SCIN: variants seen among roughly 807,000 people sequenced by gnomAD.
SCIN encodes scinderin.
SCIN carries 91 observed loss-of-function variants against 91.8 expected under a neutral mutation model. The ratio of observed to expected loss-of-function variants is 0.99; its 90% CI spans 0.84 to 1.18. The LOEUF is 1.18. SCIN is among the 50% of genes most tolerant of loss of function. The pLI is 0.00. For missense variants in SCIN, 1,087 were observed against 863.9 expected (o/e 1.26, Z -3.24); for synonymous variants, 367 against 312.6 (o/e 1.17, Z -1.84).
chr7:12,588,808 T>TGGGGGGGGGGG (rs1184493769), intron 3 of SCIN: 1 of 7,974 alleles, frequency 1.3e-4, no homozygotes, highest in African/African-American at 1.2e-3. Context: ...CTGCATTGGG[T>TGGGGGGGGGGG]GGGGGGGGGG....
At chr7:12,641,007 G>A (rs1184112391) in intron 11 of SCIN, among the ~76,000 whole-genome samples, 2 of 152,134 alleles carry the variant, frequency 1.3e-5, no homozygotes, top group Non-Finnish European at 2.9e-5. Flanking sequence ...CCATGCCATG[G>A]TGCCATAAGA....
chr7:12,584,914 A>G (rs1782556620), intron 3 of SCIN, among the ~76,000 whole-genome samples: 3 of 152,152 alleles, frequency 2.0e-5, no homozygotes, highest in Admixed American at 2.0e-4. Flanking sequence ...AACTCTTGGA[A>G]AGATATGTCA....
chr7:12,594,741 C>T (rs893604941), intron 3 of SCIN, among the ~76,000 whole-genome samples: 5 of 152,014 alleles, frequency 3.3e-5, no homozygotes, highest in South Asian at 2.1e-4. Context: ...CGAGAGAGGG[C>T]GGCGCCTGTC....
chr7:12,580,931 T>A (rs1782474464), intron 2 of SCIN, 129 bp from the exon 3 acceptor site: 1 of 871,642 alleles, frequency 1.1e-6, no homozygotes. Context: ...GGTGGCTATT[T>A]TAACTTGGCC....
chr7:12,627,715 G>A (rs849759), intron 8 of SCIN, among the ~76,000 whole-genome samples: 17,906 of 152,130 alleles, frequency 0.12, 1,093 homozygotes, highest in Middle Eastern at 0.18. Flanking sequence ...TTGTCAGAGG[G>A]GTATTGACTT....
At chr7:12,649,995 A>C (rs765996922) in intron 14 of SCIN, among the ~76,000 whole-genome samples, 1 of 152,208 alleles carries the variant, frequency 6.6e-6, no homozygotes, top group African/African-American at 2.4e-5. Context: ...TACACAGTAA[A>C]ATATGTTCCT....
chr7:12,595,169 A>G (rs1357529544), intron 3 of SCIN, among the ~76,000 whole-genome samples: 1 of 152,146 alleles, frequency 6.6e-6, no homozygotes, highest in Non-Finnish European at 1.5e-5. Flanking sequence ...TAAGCTTATT[A>G]TCCTGCTGAG....
chr7:12,595,310 G>A (rs1267120326), intron 3 of SCIN, among the ~76,000 whole-genome samples: 1 of 152,160 alleles, frequency 6.6e-6, no homozygotes, highest in Non-Finnish European at 1.5e-5. Context: ...TTTCAATATA[G>A]GAATTTACAA....
At chr7:12,594,069 C>T (rs1782785084) in intron 3 of SCIN, among the ~76,000 whole-genome samples, 1 of 152,162 alleles carries the variant, frequency 6.6e-6, no homozygotes, top group African/African-American at 2.4e-5. Context: ...CCCTCAACTC[C>T]CGCTACTTCC....
chr7:12,622,064 T>G (rs1312527412), intron 4 of SCIN, among the ~76,000 whole-genome samples: 2 of 152,006 alleles, frequency 1.3e-5, no homozygotes, highest in East Asian at 3.8e-4. Context: ...TGACATTCTA[T>G]GCTGTTTGTG....
chr7:12,599,399 A>G (rs1260092786), intron 3 of SCIN, among the ~76,000 whole-genome samples: 3 of 118,526 alleles, frequency 2.5e-5, no homozygotes, highest in South Asian at 2.7e-4. Flanking sequence ...GTGTGTGTGT[A>G]TCACATTTTC....
At chr7:12,636,278 C>G in intron 10 of SCIN, 143 bp downstream of exon 10, 1 of 617,156 alleles carries the variant, frequency 1.6e-6, no homozygotes, top group Non-Finnish European at 2.8e-6. Context: ...TTCAAATATT[C>G]CTACTCTCAT....
At chr7:12,628,772 A>G (rs936468291) in intron 8 of SCIN, among the ~76,000 whole-genome samples, 2 of 152,150 alleles carry the variant, frequency 1.3e-5, no homozygotes, top group African/African-American at 2.4e-5. Context: ...TAAAATAGAT[A>G]TATATTTCTG....
intron 3 of SCIN, chr7:12,596,478 A>T (rs989943023): frequency 2.2e-6 from 1 of 455,920 alleles, no homozygotes; most frequent in Non-Finnish European, 4.4e-6. Flanking sequence ...CCAATTTATC[A>T]CTTTTAGAGA....
At chr7:12,577,462 A>G (rs756042953) in intron 1 of SCIN, 46 of 451,024 alleles carry the variant, frequency 1.0e-4, no homozygotes, top group Non-Finnish European at 1.9e-4. Context: ...ATTAATGCTT[A>G]CTTAAATCTC....
intron 11 of SCIN, among the ~76,000 whole-genome samples, chr7:12,642,033 T>C (rs1298294837): frequency 6.6e-6 from 1 of 151,742 alleles, no homozygotes; most frequent in African/African-American, 2.4e-5. Context: ...AATTTCCATA[T>C]GATGAAGTGT....
Position 12,651,709 on chromosome 7 carries a change from C to T in SCIN, c.1960-132C>T, listed in dbSNP as rs1056660690. On this transcript the variant is annotated intron_variant, in intron 14 of 15. Coordinates refer to ENST00000297029, the MANE Select transcript of SCIN (RefSeq NM_001112706.3). The surrounding 1 kb of genome is among the most constrained non-coding windows in gnomAD (Gnocchi z 5.9). ...TGATGGTACCTCTCTGGGCCACCAC[C>T]TCCACGTCCCTAACTTCTGCGGATA... 2 of 605,548 alleles carry T rather than the reference C, an allele frequency of 3.3e-6. No homozygotes were observed. Among genetic ancestry groups the T allele is most frequent in the African/African-American group, 1.9e-5 (1 of 53,286 alleles). The allele number at this position is 605,548 out of a possible 1,614,324, so 37.5% of individuals were successfully genotyped here. A position where few individuals can be genotyped will look rare whatever the true frequency, so the allele number is the denominator to read the frequency against.
intron 3 of SCIN, among the ~76,000 whole-genome samples, chr7:12,600,382 T>A (rs1782933673): frequency 6.6e-6 from 1 of 152,134 alleles, no homozygotes; most frequent in Non-Finnish European, 1.5e-5. Context: ...AATAAAAGAC[T>A]GCACATTGGG....
intron 3 of SCIN, among the ~76,000 whole-genome samples, chr7:12,596,584 C>A (rs1397044763): frequency 6.6e-6 from 1 of 152,134 alleles, no homozygotes; most frequent in Non-Finnish European, 1.5e-5. Flanking sequence ...CTACCTGTAA[C>A]AATACGCATG....
Sources: allele counts gnomAD v4.1 joint callset (sites outside exome capture counted in the v4.1 genomes callset), GRCh38; gene constraint gnomAD v4.1.1; non-coding constraint Gnocchi (gnomAD v3.1); transcripts MANE v1.5; gene names NCBI Gene and HGNC (gene_info 2026-07-23, HGNC 2026-07-21).